SDK1: variants seen among roughly 807,000 people sequenced by gnomAD.
SDK1 encodes the protein protein sidekick-1.
A neutral mutation model predicts 245.5 loss-of-function variants in SDK1; 157 were observed. That is an observed-to-expected ratio of 0.64 (90% CI 0.56 to 0.73). The LOEUF is 0.73. Among genes scored for constraint, SDK1 ranks in the 30% least tolerant of loss-of-function variants. The pLI is 0.00. For missense variants in SDK1, 3,583 were observed against 3,002.3 expected (o/e 1.19, Z -4.52); for synonymous variants, 1,647 against 1,278.5 (o/e 1.29, Z -6.15).
intron 2 of SDK1, among the ~76,000 whole-genome samples, chr7:3,625,091 C>T (rs1782072873): frequency 6.6e-6 from 1 of 151,942 alleles, no homozygotes; most frequent in African/African-American, 2.4e-5. Flanking sequence ...CAAACCAATG[C>T]TAAAAACAAC....
At chr7:3,526,018 T>A (rs1017395843) in intron 1 of SDK1, among the ~76,000 whole-genome samples, 14 of 152,076 alleles carry the variant, frequency 9.2e-5, no homozygotes, top group African/African-American at 3.4e-4. Context: ...TGGAATCACC[T>A]GAGGTCGGGA....
Position 3,301,686 on chromosome 7 carries a change from G to T in SDK1, c.100G>T (p.Gly34Cys). 1 of 972,936 alleles carries T rather than the reference G, an allele frequency of 1.0e-6. No individual in the cohort carries two copies. The highest frequency in any genetic ancestry group is 1.2e-6 in the Non-Finnish European group (1 of 823,346). 60.3% of individuals were successfully genotyped at this position (972,936 alleles called of 1,614,324 possible). ...GPGRPRGSPP[G>C]RARPSLAPRP... is the part of the protein sequence containing the mutation. ...CGGGCGGCCGCGGGGATCCCCGCCC[G>T]GCCGCGCCCGCCCCTCGCTGGCGCC... is the stretch of plus-strand genomic sequence containing the variant. Residue 34 changes from glycine to cysteine, a missense_variant, in exon 1 of 45, where the codon GGC (glycine) becomes TGC (cysteine). Coordinates refer to ENST00000404826, the MANE Select transcript of SDK1 (RefSeq NM_152744.4).
chr7:3,682,152 G>T (rs568694221), intron 4 of SDK1, among the ~76,000 whole-genome samples: 1 of 152,106 alleles, frequency 6.6e-6, no homozygotes, highest in African/African-American at 2.4e-5. Context: ...TACAAAAATG[G>T]TTTACCTCTC....
At chr7:3,334,564 G>T (rs1263477618) in intron 1 of SDK1, among the ~76,000 whole-genome samples, 1 of 152,088 alleles carries the variant, frequency 6.6e-6, no homozygotes, top group East Asian at 1.9e-4. Context: ...CAGGTGTGAG[G>T]ACAGGAGCAC....
At chr7:4,191,855 C>G (rs1783226218) in intron 35 of SDK1, among the ~76,000 whole-genome samples, 1 of 152,230 alleles carries the variant, frequency 6.6e-6, no homozygotes, top group Non-Finnish European at 1.5e-5. Flanking sequence ...GACCACCCCT[C>G]CCAGGGCCGC....
Position 4,194,360 on chromosome 7 carries a change from A to G in SDK1, c.5099-11519A>G, listed in dbSNP as rs1444582551. Among the ~76,000 whole-genome samples the G allele has an allele frequency of 2.1e-4, 25 of 118,368 alleles. 1 individual carries two copies. The highest frequency in any genetic ancestry group is 5.6e-4 in the African/African-American group (15 of 26,632). The allele number at this position is 118,368 out of a possible 152,430, so 77.7% of individuals were successfully genotyped here. A position where few individuals can be genotyped will look rare whatever the true frequency, so the allele number is the denominator to read the frequency against. Reference sequence around the variant, plus strand: ...TATACATGTATAGATATATGTATGCACGTATGTGTATACATGTATGTGTAT... The same window carrying G: ...TATACATGTATAGATATATGTATGCGCGTATGTGTATACATGTATGTGTAT... On this transcript the variant is annotated intron_variant, in intron 35 of 44. Transcript: ENST00000404826.
intron 5 of SDK1, among the ~76,000 whole-genome samples, chr7:3,890,224 A>T (rs1057124554): frequency 6.6e-6 from 1 of 152,140 alleles, no homozygotes; most frequent in African/African-American, 2.4e-5. Context: ...CTAGAGAATT[A>T]CTCTGCAGAC....
chr7:3,565,819 G>A (rs1156751835), intron 1 of SDK1, among the ~76,000 whole-genome samples: 1 of 152,144 alleles, frequency 6.6e-6, no homozygotes, highest in South Asian at 2.1e-4. Context: ...ACAGGAAAAA[G>A]AAGTCTGTAC....
rs111289114 is a variant in SDK1, at chr7:3,334,389, A to G, written c.298+32505A>G. Among the ~76,000 whole-genome samples the G allele has an allele frequency of 2.3e-4, 35 of 152,316 alleles. 3 individuals are homozygous for G. The highest frequency in any genetic ancestry group is 5.5e-4 in the African/African-American group (23 of 41,572). On this transcript the variant is annotated intron_variant, in intron 1 of 44. Coordinates refer to ENST00000404826, the MANE Select transcript of SDK1 (RefSeq NM_152744.4). ...CGCTTGAGAGAAGAAGCTGTCGGGTACGAACTCCACTTAATTGTCCTCCTG... is the reference window on the plus strand; with the variant it reads ...CGCTTGAGAGAAGAAGCTGTCGGGTGCGAACTCCACTTAATTGTCCTCCTG...
chr7:3,391,635 A>ATTTT (rs10667421), intron 1 of SDK1, among the ~76,000 whole-genome samples: 6 of 130,330 alleles, frequency 4.6e-5, no homozygotes, highest in African/African-American at 1.1e-4. Flanking sequence ...CTGTTAACTG[A>ATTTT]TTTTTTTTTT....
chr7:3,992,240 A>G (rs1264866435), intron 14 of SDK1, among the ~76,000 whole-genome samples: 1 of 152,230 alleles, frequency 6.6e-6, no homozygotes, highest in Non-Finnish European at 1.5e-5. Context: ...TCTGTGGAGC[A>G]GAGCCTGGGG....
chr7:3,641,634 C>G (rs1197297980), intron 3 of SDK1, among the ~76,000 whole-genome samples: 2 of 152,228 alleles, frequency 1.3e-5, no homozygotes, highest in Non-Finnish European at 2.9e-5. Flanking sequence ...AACTGCTTCA[C>G]GTGGCTCTAG....
intron 4 of SDK1, among the ~76,000 whole-genome samples, chr7:3,696,227 C>T (rs1583316825): frequency 6.6e-6 from 1 of 152,080 alleles, no homozygotes; most frequent in Non-Finnish European, 1.5e-5. Flanking sequence ...AAGCTCCCAC[C>T]ACTCACTGTG....
At chr7:3,469,735 A>T (rs1401612546) in intron 1 of SDK1, among the ~76,000 whole-genome samples, 2 of 152,166 alleles carry the variant, frequency 1.3e-5, no homozygotes, top group African/African-American at 4.8e-5. Context: ...ATTGACAGAA[A>T]ACACATCTGC....
At chr7:3,624,653 A>G (rs921060419) in intron 2 of SDK1, among the ~76,000 whole-genome samples, 1 of 152,212 alleles carries the variant, frequency 6.6e-6, no homozygotes, top group Non-Finnish European at 1.5e-5. Context: ...CTAAAACCCA[A>G]GGCATATTAG....
chr7:4,166,152 C>T (rs1043920185), intron 32 of SDK1, among the ~76,000 whole-genome samples: 11 of 152,240 alleles, frequency 7.2e-5, no homozygotes, highest in African/African-American at 2.7e-4. Flanking sequence ...TCACACCATA[C>T]GGGAGGCTCT....
At chr7:4,135,220 G>A (rs545452175) in intron 28 of SDK1, among the ~76,000 whole-genome samples, 8 of 152,260 alleles carry the variant, frequency 5.3e-5, no homozygotes, top group Admixed American at 6.5e-5. Flanking sequence ...TTTCACATTC[G>A]CCAGATTTGG....
intron 4 of SDK1, among the ~76,000 whole-genome samples, chr7:3,802,188 T>C (rs1294756342): frequency 1.3e-5 from 2 of 152,104 alleles, no homozygotes; most frequent in African/African-American, 2.4e-5. Flanking sequence ...TTTGTAGTTC[T>C]TTGTCATTTT....
intron 5 of SDK1, among the ~76,000 whole-genome samples, chr7:3,841,047 A>G (rs535180885): frequency 2.1e-4 from 32 of 152,320 alleles, no homozygotes; most frequent in African/African-American, 7.5e-4. Flanking sequence ...GAGCTCCCTC[A>G]TCACAGCCTC....
Sources: allele counts gnomAD v4.1 joint callset (sites outside exome capture counted in the v4.1 genomes callset), GRCh38; gene constraint gnomAD v4.1.1; transcripts MANE v1.5; gene names NCBI Gene and HGNC (gene_info 2026-07-23, HGNC 2026-07-21).